The following TXLNB variants were observed in gnomAD, a reference collection of about 807,000 sequenced individuals.
The protein encoded by TXLNB is beta-taxilin.
TXLNB carries 37 observed loss-of-function variants against 57.4 expected under a neutral mutation model. The observed-to-expected ratio is 0.64, with a 90% CI of 0.50 to 0.85. The LOEUF (loss-of-function observed/expected upper bound fraction) is 0.85. TXLNB is among the 40% of genes least tolerant of loss of function. The probability of loss-of-function intolerance (pLI) is 0.00; values close to 1 mark genes in which losing one functional copy is unlikely to be tolerated. For missense variants in TXLNB, 848 were observed against 825.6 expected (o/e 1.03, Z -0.33); for synonymous variants, 302 against 309.6 (o/e 0.98, Z 0.26).
chr6:139,298,903 C>T, the TXLNB span, among the ~76,000 whole-genome samples: 1 of 152,132 alleles, frequency 6.6e-6, no homozygotes, highest in African/African-American at 2.4e-5. Flanking sequence ...TAAAAAGCAC[C>T]TGGTACCTTC....
the TXLNB span, among the ~76,000 whole-genome samples, chr6:139,188,066 C>T: frequency 6.6e-6 from 1 of 152,148 alleles, no homozygotes; most frequent in African/African-American, 2.4e-5. Context: ...CCTTTTCCAT[C>T]ACCAACCAGT....
the TXLNB span, among the ~76,000 whole-genome samples, chr6:139,204,928 C>G: frequency 6.6e-6 from 1 of 152,152 alleles, no homozygotes; most frequent in Non-Finnish European, 1.5e-5. Context: ...CTGAGAACCA[C>G]CCCCCATCCC....
At chr6:139,187,027 GTC>G in the TXLNB span, among the ~76,000 whole-genome samples, 1 of 152,146 alleles carries the variant, frequency 6.6e-6, no homozygotes, top group Non-Finnish European at 1.5e-5. Context: ...TGTGTTCACT[GTC>G]TTGATTGTAG....
At position 139,270,770 on chromosome 6, in the gene TXLNB, T is replaced by C. The variant is rs1776741947; in HGVS notation, c.517-144A>G. On this transcript the variant is annotated intron_variant, in intron 3 of 9. Transcript: ENST00000358430. ...CTCTTCCTCTGGAAGTAAATGAAAT[T>C]CACAAACGTCACCTTTGTAGTACTT... The C allele has an allele frequency of 2.6e-5, 18 of 686,216 alleles. No individual in the cohort carries two copies. In the South Asian group the frequency reaches 3.2e-4, roughly 12 times the overall value. The allele number at this position is 686,216 out of a possible 1,614,324, so 42.5% of individuals were successfully genotyped here.
chr6:139,313,957 C>A, the TXLNB span, among the ~76,000 whole-genome samples: 2 of 152,090 alleles, frequency 1.3e-5, no homozygotes, highest in Admixed American at 1.3e-4. Flanking sequence ...GCACAGCCGA[C>A]CAGCATTAAC....
chr6:139,254,443 T>C (rs1000202102), intron 7 of TXLNB, among the ~76,000 whole-genome samples: 1 of 152,160 alleles, frequency 6.6e-6, no homozygotes, highest in African/African-American at 2.4e-5. Flanking sequence ...CTTCGGTGAA[T>C]TTCTCCCTGT....
At chr6:139,220,489 G>C in the TXLNB span, among the ~76,000 whole-genome samples, 1 of 152,220 alleles carries the variant, frequency 6.6e-6, no homozygotes, top group African/African-American at 2.4e-5. Flanking sequence ...GGAGGCAGGA[G>C]TGAGGTAGCC....
intron 2 of TXLNB, among the ~76,000 whole-genome samples, chr6:139,281,968 G>A (rs547687194): frequency 6.6e-6 from 1 of 151,622 alleles, no homozygotes; most frequent in Non-Finnish European, 1.5e-5. Flanking sequence ...GGTCAGAAGA[G>A]AGTACTAATA....
chr6:139,182,538 A>G, the TXLNB span, among the ~76,000 whole-genome samples: 1 of 152,186 alleles, frequency 6.6e-6, no homozygotes. Context: ...CAGCAATTAG[A>G]TTGCTAATTA....
At chr6:139,244,031 A>G (rs1776013848) in intron 9 of TXLNB, among the ~76,000 whole-genome samples, 1 of 152,154 alleles carries the variant, frequency 6.6e-6, no homozygotes, top group Non-Finnish European at 1.5e-5. Flanking sequence ...CTTCACCTGT[A>G]AGCCCTACCT....
At chr6:139,196,364 G>GTTTTTTTTTTTTTTTTTTTTTTTTTTTTT in the TXLNB span, among the ~76,000 whole-genome samples, 9 of 86,770 alleles carry the variant, frequency 1.0e-4, 4 homozygotes, top group Admixed American at 2.6e-4. Context: ...CTCCAGATCT[G>GTTTTTTTTTTTTTTTTTTTTTTTTTTTTT]GTTTTTTTTT....
the TXLNB span, among the ~76,000 whole-genome samples, chr6:139,304,914 T>C: frequency 2.0e-5 from 3 of 152,240 alleles, no homozygotes; most frequent in African/African-American, 7.2e-5. Context: ...CATTCCATTT[T>C]TTAATAAAAC....
downstream of TXLNB, among the ~76,000 whole-genome samples, chr6:139,236,907 T>G (rs1775842137): frequency 6.6e-6 from 1 of 152,176 alleles, no homozygotes; most frequent in African/African-American, 2.4e-5. Context: ...CCACTGTGCC[T>G]GACCACCTTT....
At chr6:139,291,123 G>A (rs1243512363) in intron 1 of TXLNB, among the ~76,000 whole-genome samples, 1 of 152,052 alleles carries the variant, frequency 6.6e-6, no homozygotes, top group Non-Finnish European at 1.5e-5. Context: ...TATAACTTAG[G>A]CCTCCCCTGA....
chr6:139,180,621 T>G, the TXLNB span: 1 of 152,614 alleles, frequency 6.6e-6, no homozygotes, highest in East Asian at 1.9e-4. Flanking sequence ...AAAAATAAAT[T>G]CTTGTCAGTA....
Position 139,244,790 on chromosome 6 carries a change from C to T in TXLNB, c.1171-100G>A, listed in dbSNP as rs1582989168. On this transcript the variant is annotated intron_variant, in intron 8 of 9. Coordinates refer to ENST00000358430, the MANE Select transcript of TXLNB (RefSeq NM_153235.4). Reference sequence around the variant, plus strand: ...AGACCAGGAGAAGCCCTTTTGTTACCAGATGCTGAAGCAAACAAATGTTCA... The same window carrying T: ...AGACCAGGAGAAGCCCTTTTGTTACTAGATGCTGAAGCAAACAAATGTTCA... The T allele has an allele frequency of 6.6e-6, 5 of 756,928 alleles. No individual in the cohort carries two copies. The East Asian group carries it at 1.3e-4, about 19-fold the overall frequency. The allele number at this position is 756,928 out of a possible 1,614,324, so 46.9% of individuals were successfully genotyped here.
At chr6:139,168,567 C>G in the TXLNB span, among the ~76,000 whole-genome samples, 1 of 152,026 alleles carries the variant, frequency 6.6e-6, no homozygotes, top group African/African-American at 2.4e-5. Context: ...CGTGGAGACT[C>G]TTACCCTCCT....
chr6:139,258,103 A>G (rs1402101983), intron 6 of TXLNB, among the ~76,000 whole-genome samples: 2 of 152,118 alleles, frequency 1.3e-5, no homozygotes, highest in African/African-American at 4.8e-5. Context: ...GTGGCTGCCT[A>G]TTCTGCCTGG....
chr6:139,249,527 C>T (rs992587537), intron 7 of TXLNB, among the ~76,000 whole-genome samples: 6 of 152,108 alleles, frequency 3.9e-5, no homozygotes, highest in Non-Finnish European at 1.5e-5. Context: ...AGGAAGGCAC[C>T]GACCGGTGTT....
Sources: allele counts gnomAD v4.1 joint callset (sites outside exome capture counted in the v4.1 genomes callset), GRCh38; gene constraint gnomAD v4.1.1; transcripts MANE v1.5; gene names NCBI Gene and HGNC (gene_info 2026-07-23, HGNC 2026-07-21).